PDZRN4: variants seen among roughly 807,000 people sequenced by gnomAD.
The protein encoded by PDZRN4 is PDZ domain-containing RING finger protein 4.
A neutral mutation model predicts 99.0 loss-of-function variants in PDZRN4; 70 were observed. The ratio of observed to expected loss-of-function variants is 0.71; its 90% CI spans 0.58 to 0.86. PDZRN4 has a LOEUF of 0.86. Among genes scored for constraint, PDZRN4 ranks in the 40% least tolerant of loss-of-function variants. The pLI, the probability that PDZRN4 is intolerant of heterozygous loss-of-function variation, is 0.00. For synonymous variants in PDZRN4, 551 were observed against 501.6 expected, an observed-to-expected ratio of 1.10 and a Z score of -1.32; for missense variants, 1,474 against 1,331.2, an observed-to-expected ratio of 1.11 and a Z score of -1.67.
intron 3 of PDZRN4, among the ~76,000 whole-genome samples, chr12:41,323,235 G>A (rs1951691536): frequency 1.3e-5 from 2 of 152,102 alleles, no homozygotes; most frequent in Admixed American, 6.6e-5. Context: ...AGTCTTCTAT[G>A]GAGAGGACAT....
intron 3 of PDZRN4, among the ~76,000 whole-genome samples, chr12:41,405,439 A>T (rs1048494105): frequency 6.6e-6 from 1 of 152,224 alleles, no homozygotes; most frequent in Admixed American, 6.5e-5. Context: ...TTAAAAAGTC[A>T]TAAAGCAACA....
rs750712050 is a variant in PDZRN4, at chr12:41,573,440, G to A, written c.2661G>A (p.Met887Ile). The change falls in exon 10 of 10, where the codon ATG becomes ATA. Residue 887 changes from methionine (M) to isoleucine (I), a missense_variant. Transcript: ENST00000402685. ...KESQKCSEPK[M>I]EWKVKIRSDG... ...CTCAGAAGTGTTCAGAGCCCAAGAT[G>A]GAATGGAAGGTGAAAATTAGGAGCG... 2 of 1,613,824 alleles carry A rather than the reference G, an allele frequency of 1.2e-6. No homozygotes were observed. Among genetic ancestry groups the A allele is most frequent in the East Asian group, 4.5e-5 (2 of 44,840 alleles).
At chr12:41,462,390 T>C (rs938516254) in intron 3 of PDZRN4, among the ~76,000 whole-genome samples, 3 of 152,232 alleles carry the variant, frequency 2.0e-5, no homozygotes, top group African/African-American at 7.2e-5. Context: ...AAGTTTTCAT[T>C]ATGCTTTAAC....
chr12:41,466,279 C>T (rs1379271438), intron 3 of PDZRN4, among the ~76,000 whole-genome samples: 1 of 152,126 alleles, frequency 6.6e-6, no homozygotes, highest in Non-Finnish European at 1.5e-5. Context: ...GTGTGCTCCT[C>T]ATGATCCCTG....
At chr12:41,442,185 G>A (rs1460037431) in intron 3 of PDZRN4, among the ~76,000 whole-genome samples, 1 of 151,860 alleles carries the variant, frequency 6.6e-6, no homozygotes, top group Non-Finnish European at 1.5e-5. Flanking sequence ...AATTGCTCCA[G>A]ACTCTATTTT....
intron 3 of PDZRN4, among the ~76,000 whole-genome samples, chr12:41,204,354 C>T (rs1338870082): frequency 6.6e-6 from 1 of 151,926 alleles, no homozygotes; most frequent in Non-Finnish European, 1.5e-5. Flanking sequence ...ACCCTCTGGA[C>T]AGGAGAGTTC....
At chr12:41,453,288 A>G (rs2608705) in intron 3 of PDZRN4, among the ~76,000 whole-genome samples, 78,635 of 151,924 alleles carry the variant, frequency 0.52, 20,895 homozygotes, top group African/African-American at 0.65. Context: ...TGTAATATGC[A>G]GACATAATTT....
chr12:41,475,119 A>G (rs548748474), intron 3 of PDZRN4, among the ~76,000 whole-genome samples: 1 of 152,284 alleles, frequency 6.6e-6, no homozygotes, highest in African/African-American at 2.4e-5. Context: ...AGTGATTTCT[A>G]GGTTCTCTCA....
chr12:41,538,518 C>G (rs576225984), intron 5 of PDZRN4, among the ~76,000 whole-genome samples: 1 of 151,994 alleles, frequency 6.6e-6, no homozygotes, highest in Non-Finnish European at 1.5e-5. Flanking sequence ...AGCTACTAAA[C>G]CAGAATGAAG....
intron 3 of PDZRN4, among the ~76,000 whole-genome samples, chr12:41,316,457 TG>T (rs1217919495): frequency 2.1e-4 from 6 of 29,116 alleles, no homozygotes; most frequent in Non-Finnish European, 6.6e-5. Flanking sequence ...AAAAGGCAAA[TG>T]TGTGTGTGTG....
chr12:41,540,863 C>T (rs1443733743), intron 5 of PDZRN4, among the ~76,000 whole-genome samples: 1 of 115,754 alleles, frequency 8.6e-6, no homozygotes, highest in Non-Finnish European at 1.9e-5. Context: ...CCCTTTTCTT[C>T]GTTGTTGTTG....
intron 3 of PDZRN4, among the ~76,000 whole-genome samples, chr12:41,244,494 G>A (rs1951120561): frequency 6.6e-6 from 1 of 151,950 alleles, no homozygotes; most frequent in Non-Finnish European, 1.5e-5. Flanking sequence ...TACATGATCT[G>A]CTCCACTGCT....
intron 9 of PDZRN4, among the ~76,000 whole-genome samples, chr12:41,571,449 TAA>T (rs1328540147): frequency 6.7e-6 from 1 of 149,732 alleles, no homozygotes; most frequent in Non-Finnish European, 1.5e-5. Context: ...ATATGTGACA[TAA>T]GTGTCAAAAT....
intron 3 of PDZRN4, among the ~76,000 whole-genome samples, chr12:41,495,268 T>C (rs1937975459): frequency 1.3e-5 from 2 of 152,044 alleles, no homozygotes; most frequent in African/African-American, 4.8e-5. Context: ...AAGAAGTGAA[T>C]TTTGATTTCT....
rs530342752 is a variant in PDZRN4, at chr12:41,332,682, G to A, written c.843+138494G>A. Among the ~76,000 whole-genome samples, 4 of 146,000 alleles carry A rather than the reference G, an allele frequency of 2.7e-5. No individual in the cohort carries two copies. The South Asian group carries it at 9.1e-4, about 33-fold the overall frequency. On this transcript the variant is annotated intron_variant, in intron 3 of 9. Coordinates refer to ENST00000402685, the MANE Select transcript of PDZRN4 (RefSeq NM_001164595.2). ...ATCAAGAGGAATGACCAAGAACTGAGTACAAACTACTCCAAAGGGGTAGTT... is the reference window on the plus strand; with the variant it reads ...ATCAAGAGGAATGACCAAGAACTGAATACAAACTACTCCAAAGGGGTAGTT...
Position 41,191,462 on chromosome 12 carries a change from G to A in PDZRN4, c.653G>A (p.Gly218Glu), listed in dbSNP as rs748400320. The stretch of plus-strand genomic sequence containing the variant: ...ATTTTATACATTTTTTTCTAGGATG[G>A]AGAGCATAAGCCATTCACTATTGTG... The part of the protein sequence containing the change: ...GDLGGGHRRD[G>E]EHKPFTIVLE... Residue 218 changes from glycine to glutamate, a missense_variant, in exon 2 of 10, where the codon GGA (glycine) becomes GAA (glutamate). Gly to Glu is a moderately conservative substitution (Grantham distance 98). Coordinates refer to ENST00000402685, the MANE Select transcript of PDZRN4 (RefSeq NM_001164595.2). 1 of 1,502,184 alleles carries A rather than the reference G, an allele frequency of 6.7e-7. No homozygotes were observed. The allele number at this position is 1,502,184 out of a possible 1,614,324, so 93.1% of individuals were successfully genotyped here. A position where few individuals can be genotyped will look rare whatever the true frequency, so the allele number is the denominator to read the frequency against.
chr12:41,245,324 G>T (rs959618247), intron 3 of PDZRN4, among the ~76,000 whole-genome samples: 5 of 152,112 alleles, frequency 3.3e-5, no homozygotes, highest in African/African-American at 4.8e-5. Flanking sequence ...ATGAACAAGT[G>T]AATTATTTTA....
In PDZRN4 at chr12:41,518,785, C is replaced by G. The variant is rs541143308; in HGVS notation, c.1203+8872C>G. On this transcript the variant is annotated intron_variant, in intron 5 of 9. Coordinates refer to ENST00000402685, the MANE Select transcript of PDZRN4 (RefSeq NM_001164595.2). The stretch of plus-strand genomic sequence containing the variant: ...TGGCCTATGTAGTGAGACCCCGTAT[C>G]TACAAAAAAAATAATTAACTGGGCA... Among the ~76,000 whole-genome samples the G allele has an allele frequency of 3.9e-5, 6 of 151,934 alleles. No individual in the cohort carries two copies. In the South Asian group the frequency reaches 1.2e-3, roughly 32 times the overall value.
intron 3 of PDZRN4, among the ~76,000 whole-genome samples, chr12:41,378,520 ATTTTT>A (rs71081733): frequency 9.7e-6 from 1 of 102,862 alleles, no homozygotes. Context: ...TCTGTCTTCA[ATTTTT>A]TTTTTTTTTT....
Sources: allele counts gnomAD v4.1 joint callset (sites outside exome capture counted in the v4.1 genomes callset), GRCh38; gene constraint gnomAD v4.1.1; transcripts MANE v1.5; gene names NCBI Gene and HGNC (gene_info 2026-07-23, HGNC 2026-07-21).